The following PRKCQ variants were observed in gnomAD, a reference collection of about 807,000 sequenced individuals.
The protein encoded by PRKCQ is protein kinase C theta type.
In PRKCQ, 41 loss-of-function variants were observed where a neutral mutation model predicts 91.2. That is an observed-to-expected ratio of 0.45 (90% confidence interval 0.35 to 0.58). The LOEUF is 0.58. Ranked by LOEUF, PRKCQ falls within the 20% of genes least tolerant of loss-of-function variation. PRKCQ has a pLI of 0.00. For synonymous variants in PRKCQ, 307 were observed against 316.9 expected (o/e 0.97, Z 0.33); for missense variants, 673 against 896.5 (o/e 0.75, Z 3.18).
intron 1 of PRKCQ, among the ~76,000 whole-genome samples, chr10:6,549,741 C>T (rs947983181): frequency 6.0e-5 from 9 of 150,738 alleles, no homozygotes; most frequent in African/African-American, 2.2e-4. Flanking sequence ...AGAAATTCTC[C>T]CGCCTCAGCC....
chr10:6,422,413 C>T (rs371965166), downstream of PRKCQ, among the ~76,000 whole-genome samples: 41 of 152,088 alleles, frequency 2.7e-4, no homozygotes, highest in African/African-American at 9.9e-4. Context: ...GGGTGTGACC[C>T]GGGCATCCTG....
chr10:6,478,618 C>T (rs944209517), intron 12 of PRKCQ, among the ~76,000 whole-genome samples: 2 of 152,282 alleles, frequency 1.3e-5, no homozygotes, highest in South Asian at 2.1e-4. Context: ...AGTGTACGTG[C>T]GTTTTGATCT....
intron 1 of PRKCQ, among the ~76,000 whole-genome samples, chr10:6,577,852 A>C (rs955746818): frequency 6.6e-6 from 1 of 152,234 alleles, no homozygotes; most frequent in African/African-American, 2.4e-5. Context: ...ACACGTTATA[A>C]GGAGATTTGT....
At chr10:6,556,514 G>T (rs1057285292) in intron 1 of PRKCQ, among the ~76,000 whole-genome samples, 1 of 151,886 alleles carries the variant, frequency 6.6e-6, no homozygotes, top group Non-Finnish European at 1.5e-5. Context: ...AGAGTAGAAG[G>T]GGGTGGCCTG....
At chr10:6,401,653 G>A in the PRKCQ span, among the ~76,000 whole-genome samples, 3 of 152,066 alleles carry the variant, frequency 2.0e-5, no homozygotes, top group African/African-American at 4.8e-5. Flanking sequence ...CGGGGCCAGG[G>A]CACTCTGGTC....
chr10:6,464,542 T>C, intron 12 of PRKCQ, 138 bp from the exon 13 acceptor site: 8 of 669,334 alleles, frequency 1.2e-5, no homozygotes, highest in Non-Finnish European at 2.0e-5. Flanking sequence ...CTCCGCCTCC[T>C]GGCTTCAAGA....
intron 11 of PRKCQ, among the ~76,000 whole-genome samples, chr10:6,481,717 CAA>C (rs993560202): frequency 3.3e-5 from 5 of 152,152 alleles, no homozygotes; most frequent in African/African-American, 1.2e-4. Context: ...GACATCCTGC[CAA>C]AGTCTGGTGA....
chr10:6,566,348 G>A (rs954123609), intron 1 of PRKCQ, among the ~76,000 whole-genome samples: 1 of 152,114 alleles, frequency 6.6e-6, no homozygotes. Context: ...ACAGCCCTAG[G>A]AGCTTGAAAT....
chr10:6,493,001 A>C (rs1273104849), intron 7 of PRKCQ, among the ~76,000 whole-genome samples: 1 of 152,202 alleles, frequency 6.6e-6, no homozygotes, highest in East Asian at 1.9e-4. Flanking sequence ...TCAACCAAGA[A>C]AAAAATAATT....
chr10:6,441,308 A>G (rs1008533422), intron 16 of PRKCQ, among the ~76,000 whole-genome samples: 22 of 151,992 alleles, frequency 1.4e-4, no homozygotes, highest in African/African-American at 4.6e-4. Flanking sequence ...ATGCCTGGCT[A>G]ATTTTGTATT....
chr10:6,457,151 T>G (rs953456364), intron 14 of PRKCQ, among the ~76,000 whole-genome samples: 1 of 152,192 alleles, frequency 6.6e-6, no homozygotes, highest in Admixed American at 6.5e-5. Flanking sequence ...CTGTATGCCA[T>G]TTTCTACATA....
At chr10:6,443,742 C>T (rs1051864561) in intron 15 of PRKCQ, among the ~76,000 whole-genome samples, 1 of 152,196 alleles carries the variant, frequency 6.6e-6, no homozygotes, top group African/African-American at 2.4e-5. Flanking sequence ...GAAGGGAAAC[C>T]TGTCACATGC....
intron 1 of PRKCQ, among the ~76,000 whole-genome samples, chr10:6,548,399 C>T (rs1840049847): frequency 6.6e-6 from 1 of 151,252 alleles, no homozygotes; most frequent in African/African-American, 2.4e-5. Flanking sequence ...ACCCAAAGGA[C>T]TATAAATCAT....
chr10:6,518,467 G>A (rs1414276615), intron 1 of PRKCQ, among the ~76,000 whole-genome samples: 1 of 151,914 alleles, frequency 6.6e-6, no homozygotes, highest in African/African-American at 2.4e-5. Flanking sequence ...TTTTATTTGA[G>A]GAAAAATTAA....
intron 15 of PRKCQ, among the ~76,000 whole-genome samples, chr10:6,454,109 C>T (rs1834875367): frequency 6.6e-6 from 1 of 152,002 alleles, no homozygotes; most frequent in Admixed American, 6.6e-5. Context: ...TTATTTTAAA[C>T]TATATATTAT....
chr10:6,427,879 T>A lies in PRKCQ; in HGVS notation c.*328A>T, dbSNP rs1833196620. ...CATTGATCAGCAGTTGGCGCCCAGG[T>A]GAAGAGCCATAATTTATTGCAGTAT... is the stretch of plus-strand genomic sequence containing the variant. On this transcript the variant is annotated 3_prime_UTR_variant, in exon 18 of 18. Coordinates refer to ENST00000263125, the MANE Select transcript of PRKCQ (RefSeq NM_006257.5). The A allele has an allele frequency of 1.4e-5, 4 of 277,086 alleles. No homozygotes were observed. The allele number at this position is 277,086 out of a possible 1,614,324, so 17.2% of individuals were successfully genotyped here.
At chr10:6,473,726 T>C (rs756571901) in intron 12 of PRKCQ, among the ~76,000 whole-genome samples, 14 of 152,204 alleles carry the variant, frequency 9.2e-5, no homozygotes, top group Admixed American at 6.5e-5. Flanking sequence ...GATTGCAGCA[T>C]TTTTGAGAGC....
chr10:6,448,692 C>A (rs746495838), intron 15 of PRKCQ, among the ~76,000 whole-genome samples: 32 of 152,142 alleles, frequency 2.1e-4, no homozygotes, highest in Non-Finnish European at 4.7e-4. Flanking sequence ...CAGGTGTGAG[C>A]CACTGCACCT....
intron 12 of PRKCQ, among the ~76,000 whole-genome samples, chr10:6,475,346 T>G (rs1346648812): frequency 1.3e-5 from 2 of 152,228 alleles, no homozygotes; most frequent in Admixed American, 6.5e-5. Flanking sequence ...ACGGCAGAGC[T>G]GGGCTTGAAC....
Sources: gnomAD v4.1 joint callset for allele counts (sites outside exome capture counted in the v4.1 genomes callset) on GRCh38, gnomAD v4.1.1 for gene constraint, MANE v1.5 for transcripts, NCBI Gene and HGNC (gene_info 2026-07-23, HGNC 2026-07-21) for gene names.